Variants in GXYLT1 observed in about 807,000 individuals in gnomAD.
GXYLT1 encodes glucoside xylosyltransferase 1, also known as glycosyltransferase 8 domain containing 3.
In GXYLT1, 29 loss-of-function variants were observed where a neutral mutation model predicts 54.0. The ratio of observed to expected loss-of-function variants is 0.54; its 90% CI spans 0.40 to 0.73. GXYLT1 has a LOEUF of 0.73. GXYLT1 is among the 30% of genes least tolerant of loss of function. The probability of loss-of-function intolerance (pLI) is 0.00; values close to 1 mark genes in which losing one functional copy is unlikely to be tolerated. For synonymous variants in GXYLT1, 176 were observed against 204.1 expected (o/e 0.86, Z 1.17); for missense variants, 490 against 553.4 (o/e 0.89, Z 1.15).
intron 7 of GXYLT1, among the ~76,000 whole-genome samples, chr12:42,092,986 A>G (rs576340117): frequency 6.6e-6 from 1 of 152,360 alleles, no homozygotes; most frequent in African/African-American, 2.4e-5. Context: ...GGCTTGCTAT[A>G]AAACATTCCT....
intron 5 of GXYLT1, 123 bp from the exon 6 acceptor site, chr12:42,098,156 A>G (rs2065367857): frequency 2.4e-6 from 2 of 834,140 alleles, no homozygotes; most frequent in African/African-American, 1.7e-5. Flanking sequence ...CAAACTCCTC[A>G]CAATATCAAG....
Position 42,144,705 on chromosome 12 carries a change from C to A in GXYLT1, c.-59G>T. On this transcript the variant is annotated 5_prime_UTR_variant, in exon 1 of 8. Coordinates refer to ENST00000398675, the MANE Select transcript of GXYLT1 (RefSeq NM_173601.2). Reference sequence around the variant, plus strand: ...CCGCGCCCGCCCCGACGAACTGGAGCGGAGGGAGGGGCACCGCGCAGCCGC... The same window carrying A: ...CCGCGCCCGCCCCGACGAACTGGAGAGGAGGGAGGGGCACCGCGCAGCCGC... 2.4e-6 allele frequency: 3 copies of A among 1,274,074 alleles called. No homozygotes were observed. The highest frequency in any genetic ancestry group is 1.6e-5 in the African/African-American group (1 of 64,056). 78.9% of individuals were successfully genotyped at this position (1,274,074 alleles called of 1,614,324 possible). A position where few individuals can be genotyped will look rare whatever the true frequency, so the allele number is the denominator to read the frequency against.
At chr12:42,143,372 T>C (rs2065662430) in intron 1 of GXYLT1, among the ~76,000 whole-genome samples, 1 of 152,184 alleles carries the variant, frequency 6.6e-6, no homozygotes, top group Non-Finnish European at 1.5e-5. Flanking sequence ...ACCCTGACTG[T>C]AATCAAATCT....
rs138384156 is a variant in GXYLT1, at chr12:42,113,168, A to C, written c.487-3477T>G. Among the ~76,000 whole-genome samples, 1,177 of 151,194 alleles carry C rather than the reference A, an allele frequency of 7.8e-3. 86 individuals are homozygous for C. The highest frequency in any genetic ancestry group is 0.027 in the African/African-American group (1,111 of 40,500). On this transcript the variant is annotated intron_variant, in intron 3 of 7. Transcript: ENST00000398675. ...GAAAGGAACAACCGGTACCAGCCAC[A>C]GCAAAATCATGCCAAAATGTAAAGA...
intron 7 of GXYLT1, among the ~76,000 whole-genome samples, chr12:42,088,294 C>T (rs996891883): frequency 6.6e-6 from 1 of 151,902 alleles, no homozygotes; most frequent in African/African-American, 2.4e-5. Context: ...ACACACCACA[C>T]CCGCGTCCCA....
chr12:42,099,851 A>G (rs564996703), intron 5 of GXYLT1, among the ~76,000 whole-genome samples: 1 of 152,360 alleles, frequency 6.6e-6, no homozygotes, highest in South Asian at 2.1e-4. Context: ...ACCCTGTCTC[A>G]AATAAAAAAA....
chr12:42,115,991 C>G (rs898185568), intron 3 of GXYLT1, among the ~76,000 whole-genome samples: 5 of 151,250 alleles, frequency 3.3e-5, no homozygotes, highest in Non-Finnish European at 5.9e-5. Context: ...CTATAACTAT[C>G]TGATCTTTGA....
intron 7 of GXYLT1, among the ~76,000 whole-genome samples, chr12:42,088,181 G>T (rs2065308535): frequency 6.6e-6 from 1 of 151,880 alleles, no homozygotes; most frequent in Admixed American, 6.6e-5. Context: ...ACATGCGCAA[G>T]GGCAGAGAAG....
At position 42,083,247 on chromosome 12, in the gene GXYLT1, C is replaced by A. The variant is rs554314286; in HGVS notation, c.*4539G>T. The A allele has an allele frequency of 2.6e-5, 4 of 151,976 alleles. No homozygotes were observed. Among genetic ancestry groups the A allele is most frequent in the East Asian group, 1.9e-4 (1 of 5,198 alleles). The allele number at this position is 151,976 out of a possible 1,614,324, so 9.4% of individuals were successfully genotyped here. On this transcript the variant is annotated 3_prime_UTR_variant, in exon 8 of 8. Transcript: ENST00000398675. ...TCTTTATATAATTTAGTTTGTAAAA[C>A]CTAGTTTCATGTTTAATGAATTAAG...
intron 4 of GXYLT1, among the ~76,000 whole-genome samples, chr12:42,106,508 G>A (rs565685874): frequency 8.6e-5 from 13 of 151,826 alleles, no homozygotes; most frequent in African/African-American, 2.7e-4. Context: ...ACATCATTTC[G>A]GTTTCAACTA....
chr12:42,129,767 C>T lies in GXYLT1; in HGVS notation c.306G>A (p.Ala102=), dbSNP rs760020750. ...DVCGMNCFWE[A]AFRYSLKIQP... is the part of the protein sequence containing the mutation. ...AAATATTAAGTGCCTACCTAAAAGC[C>T]GCTTCCCAAAAGCAGTTCATTCCAC... The change falls in exon 2 of 8, where the codon GCG becomes GCA. Residue 102 remains alanine, a synonymous_variant. Transcript: ENST00000398675. The T allele has an allele frequency of 2.0e-5, 32 of 1,612,030 alleles. No homozygotes were observed. The highest frequency in any genetic ancestry group is 3.3e-4 in the Middle Eastern group (2 of 6,060).
rs1182916175 is a variant in GXYLT1, at chr12:42,083,210, T to G, written c.*4576A>C. On this transcript the variant is annotated 3_prime_UTR_variant, in exon 8 of 8. Transcript: ENST00000398675. Reference sequence around the variant, plus strand: ...TAAAAAAAAATTTTCTGGTACCATTTTTAGACTTCTGTCTTTATATAATTT... The same window carrying G: ...TAAAAAAAAATTTTCTGGTACCATTGTTAGACTTCTGTCTTTATATAATTT... The G allele has an allele frequency of 6.6e-6, 1 of 152,188 alleles. No individual in the cohort carries two copies. The highest frequency in any genetic ancestry group is 1.5e-5 in the Non-Finnish European group (1 of 68,020). 9.4% of individuals were successfully genotyped at this position (152,188 alleles called of 1,614,324 possible). A position where few individuals can be genotyped will look rare whatever the true frequency, so the allele number is the denominator to read the frequency against.
chr12:42,102,372 T>C (rs2065395182), intron 5 of GXYLT1, among the ~76,000 whole-genome samples: 1 of 152,196 alleles, frequency 6.6e-6, no homozygotes, highest in South Asian at 2.1e-4. Context: ...CACATACATC[T>C]TACAAATATG....
In GXYLT1 at chr12:42,132,528, G is replaced by A. The variant is rs375674560; in HGVS notation, c.222-2677C>T. Reference sequence around the variant, plus strand: ...ATTACCCACCACTATTAACATTTTCGTATCTTTACTACCCCATATTTCAAA... The same window carrying A: ...ATTACCCACCACTATTAACATTTTCATATCTTTACTACCCCATATTTCAAA... On this transcript the variant is annotated intron_variant, in intron 1 of 7. Transcript: ENST00000398675. Among the ~76,000 whole-genome samples the A allele has an allele frequency of 5.9e-5, 9 of 152,114 alleles. No homozygotes were observed. In the South Asian group the frequency reaches 6.2e-4, roughly 11 times the overall value.
chr12:42,126,930 T>C (rs965914136), intron 2 of GXYLT1, among the ~76,000 whole-genome samples: 1 of 150,776 alleles, frequency 6.6e-6, no homozygotes, highest in African/African-American at 2.4e-5. Flanking sequence ...GAATCACAAC[T>C]ATGTAAAAGC....
intron 3 of GXYLT1, 48 bp downstream of exon 3, chr12:42,118,952 T>G: frequency 1.5e-6 from 2 of 1,322,268 alleles, no homozygotes; most frequent in South Asian, 2.6e-5. Context: ...TTATAGTATA[T>G]TATTAAATAT....
rs1201623345 is a variant in GXYLT1, at chr12:42,144,549, C to T, written c.98G>A (p.Gly33Glu). The T allele has an allele frequency of 6.9e-7, 1 of 1,451,650 alleles. No homozygotes were observed. The highest frequency in any genetic ancestry group is 9.1e-7 in the Non-Finnish European group (1 of 1,100,784). 89.9% of individuals were successfully genotyped at this position (1,451,650 alleles called of 1,614,324 possible). A position where few individuals can be genotyped will look rare whatever the true frequency, so the allele number is the denominator to read the frequency against. ...CGGCTTCCCGCCACCGCCGCCCGTT[C>T]CTTCTTCCAGGGACACGGCGAGCTG... ...FSQLAVSLEE[G>E]TGGGGGKPQA... Residue 33 changes from glycine to glutamate, a missense_variant, in exon 1 of 8, where the codon GGA (glycine) becomes GAA (glutamate). Gly to Glu is a moderately conservative substitution (Grantham distance 98). Around this residue, in one of 2 missense-constraint regions of GXYLT1, gnomAD observed 148 missense variants for 210.7 expected, o/e 0.70. Coordinates refer to ENST00000398675, the MANE Select transcript of GXYLT1 (RefSeq NM_173601.2).
chr12:42,116,047 T>A (rs1008185106), intron 3 of GXYLT1, among the ~76,000 whole-genome samples: 1 of 151,970 alleles, frequency 6.6e-6, no homozygotes, highest in African/African-American at 2.4e-5. Context: ...CCCTATTTAA[T>A]AAATGGTGCT....
rs942875060 is a variant in GXYLT1 at position 42,113,787 on chromosome 12, C to A, written c.487-4096G>T. On this transcript the variant is annotated intron_variant, in intron 3 of 7. Transcript: ENST00000398675. ...CTCTGCACCAAGCGGACCTAATAGA[C>A]ATCTACAGAACTCTCCACCCCAAAT... Among the ~76,000 whole-genome samples, 18 of 151,044 alleles carry A rather than the reference C, an allele frequency of 1.2e-4. 1 individual carries two copies. The highest frequency in any genetic ancestry group is 2.5e-4 in the Non-Finnish European group (17 of 68,034).
Sources: allele counts gnomAD v4.1 joint callset (sites outside exome capture counted in the v4.1 genomes callset), GRCh38; gene constraint gnomAD v4.1.1; regional missense constraint gnomAD v4.1.1; transcripts MANE v1.5; gene names NCBI Gene and HGNC (gene_info 2026-07-23, HGNC 2026-07-21).